The following SEMA3C variants were observed in gnomAD, a reference collection of about 807,000 sequenced individuals.
SEMA3C encodes the protein semaphorin 3C.
SEMA3C carries 47 observed loss-of-function variants against 89.4 expected under a neutral mutation model. The ratio of observed to expected loss-of-function variants is 0.53; its 90% CI spans 0.42 to 0.67. The LOEUF is 0.67. Among genes scored for constraint, SEMA3C ranks in the 30% least tolerant of loss-of-function variants. The probability of loss-of-function intolerance (pLI) is 0.00; values close to 1 mark genes in which losing one functional copy is unlikely to be tolerated. For synonymous variants in SEMA3C, 310 were observed against 320.2 expected (o/e 0.97, Z 0.34); for missense variants, 839 against 929.1 (o/e 0.90, Z 1.26).
chr7:80,789,225 G>T (rs2115581403), intron 12 of SEMA3C, 81 bp downstream of exon 12: 1 of 1,112,704 alleles, frequency 9.0e-7, no homozygotes, highest in East Asian at 2.4e-5. Context: ...CTAGTTTCAA[G>T]ATCATGGCCC....
At chr7:80,863,753 C>T (rs1034055978) in intron 2 of SEMA3C, among the ~76,000 whole-genome samples, 7 of 132,186 alleles carry the variant, frequency 5.3e-5, no homozygotes, top group Non-Finnish European at 7.9e-5. Flanking sequence ...AGTATTCCAT[C>T]ATATATATAG....
intron 8 of SEMA3C, among the ~76,000 whole-genome samples, chr7:80,803,672 G>C (rs974903525): frequency 1.3e-5 from 2 of 151,866 alleles, no homozygotes; most frequent in African/African-American, 4.8e-5. Context: ...ATTTATAAAT[G>C]GTTCCTTAAT....
intron 2 of SEMA3C, among the ~76,000 whole-genome samples, chr7:80,861,627 G>A (rs550944035): frequency 6.6e-6 from 1 of 152,240 alleles, no homozygotes; most frequent in Non-Finnish European, 1.5e-5. Context: ...TGATCTCAAA[G>A]GTTATAGAAT....
chr7:80,803,096 C>CT, intron 8 of SEMA3C, among the ~76,000 whole-genome samples: 1 of 152,202 alleles, frequency 6.6e-6, no homozygotes, highest in Non-Finnish European at 1.5e-5. Flanking sequence ...ATCATTTAAT[C>CT]TGCCTTTCCT....
chr7:80,789,166 G>C (rs527319299), intron 12 of SEMA3C, 140 bp downstream of exon 12: 1 of 622,146 alleles, frequency 1.6e-6, no homozygotes, highest in South Asian at 2.5e-5. Flanking sequence ...GGCAAAAAGA[G>C]ATTAAATATC....
chr7:80,752,784 G>A (rs1164079988), intron 15 of SEMA3C, among the ~76,000 whole-genome samples: 1 of 152,056 alleles, frequency 6.6e-6, no homozygotes, highest in Non-Finnish European at 1.5e-5. Flanking sequence ...AATCCTCTGA[G>A]CATCACACAT....
At chr7:80,814,704 G>A (rs1210395363) in intron 5 of SEMA3C, among the ~76,000 whole-genome samples, 1 of 151,976 alleles carries the variant, frequency 6.6e-6, no homozygotes. Context: ...TCTCATCTCA[G>A]TTCATGGCAA....
chr7:80,825,828 T>A (rs1409981492), intron 4 of SEMA3C, among the ~76,000 whole-genome samples: 1 of 152,172 alleles, frequency 6.6e-6, no homozygotes, highest in African/African-American at 2.4e-5. Context: ...TCATCCACAA[T>A]TATTAAAATA....
intron 12 of SEMA3C, among the ~76,000 whole-genome samples, chr7:80,769,004 A>G (rs1788368430): frequency 6.6e-6 from 1 of 152,204 alleles, no homozygotes; most frequent in Non-Finnish European, 1.5e-5. Flanking sequence ...AAGAATCACT[A>G]CCATTCTATG....
chr7:80,828,573 T>A lies in SEMA3C; in HGVS notation c.264+12A>T, dbSNP rs1789935243. On this transcript the variant is annotated intron_variant, in intron 3 of 17. Coordinates refer to ENST00000265361, the MANE Select transcript of SEMA3C (RefSeq NM_006379.5). ...AAGGTGGACACTGTCCTCGTGAAAG[T>A]GATAAACTTACACTCAAAGCTTCTT... 1 of 1,595,464 alleles carries A rather than the reference T, an allele frequency of 6.3e-7. No homozygotes were observed. The highest frequency in any genetic ancestry group is 1.3e-5 in the African/African-American group (1 of 74,560).
intron 2 of SEMA3C, among the ~76,000 whole-genome samples, chr7:80,899,450 C>T (rs1353946176): frequency 6.6e-6 from 1 of 152,132 alleles, no homozygotes; most frequent in Non-Finnish European, 1.5e-5. Flanking sequence ...ATATGATATA[C>T]ACCTTGTTTT....
intron 2 of SEMA3C, among the ~76,000 whole-genome samples, chr7:80,841,777 C>A (rs113780725): frequency 0.012 from 1,831 of 152,176 alleles, 52 homozygotes; most frequent in African/African-American, 0.041. Flanking sequence ...AACTATATAC[C>A]ATAAAACCTC....
At chr7:80,906,713 C>G (rs1450280914) in intron 2 of SEMA3C, among the ~76,000 whole-genome samples, 2 of 151,954 alleles carry the variant, frequency 1.3e-5, no homozygotes, top group Non-Finnish European at 2.9e-5. Flanking sequence ...AAGAAATATA[C>G]CAGTGTAGAT....
At chr7:80,871,168 G>C (rs1375821257) in intron 2 of SEMA3C, among the ~76,000 whole-genome samples, 2 of 152,156 alleles carry the variant, frequency 1.3e-5, no homozygotes, top group Non-Finnish European at 2.9e-5. Flanking sequence ...AATGCACGAA[G>C]GTTTCAAAAC....
chr7:80,878,786 C>A (rs535553396), intron 2 of SEMA3C, among the ~76,000 whole-genome samples: 3 of 151,974 alleles, frequency 2.0e-5, no homozygotes, highest in South Asian at 4.2e-4. Context: ...GTGATGGAAG[C>A]CTTGGCAGTG....
intron 6 of SEMA3C, 97 bp from the exon 7 acceptor site, chr7:80,805,855 G>T: frequency 1.4e-6 from 1 of 715,620 alleles, no homozygotes; most frequent in Non-Finnish European, 2.2e-6. Flanking sequence ...AGGTATTACA[G>T]TGTTATGATA....
At chr7:80,818,128 G>A (rs776391549) in intron 5 of SEMA3C, among the ~76,000 whole-genome samples, 171 bp downstream of exon 5, 2 of 151,810 alleles carry the variant, frequency 1.3e-5, no homozygotes, top group Non-Finnish European at 2.9e-5. Context: ...AAGGCAAAAG[G>A]TGATACTTCA....
chr7:80,864,678 A>C (rs1790883973), intron 2 of SEMA3C, among the ~76,000 whole-genome samples: 1 of 152,016 alleles, frequency 6.6e-6, no homozygotes, highest in Non-Finnish European at 1.5e-5. Flanking sequence ...AACTCAACTT[A>C]CTCCCATAGA....
rs759355273 is a variant in SEMA3C, at chr7:80,789,441, T to C, written c.1219A>G (p.Met407Val). 3.1e-6 allele frequency: 5 copies of C among 1,613,942 alleles called. No homozygotes were observed. In the South Asian group the frequency reaches 5.5e-5, roughly 18 times the overall value. Residue 407 changes from methionine to valine, a missense_variant, in exon 12 of 18, where the codon ATG becomes GTG. Coordinates refer to ENST00000265361, the MANE Select transcript of SEMA3C (RefSeq NM_006379.5). ...TGGATTGGGTAGATGGAATTGTACA[T>C]GAGAGGATGGTTCCGAATAAAAGTG... Reference protein sequence around the residue: ...VVTFIRNHPLMYNSIYPIHKR... With the variant: ...VVTFIRNHPLVYNSIYPIHKR...
Sources: gnomAD v4.1 joint callset for allele counts (sites outside exome capture counted in the v4.1 genomes callset) on GRCh38, gnomAD v4.1.1 for gene constraint, MANE v1.5 for transcripts, NCBI Gene and HGNC (gene_info 2026-07-23, HGNC 2026-07-21) for gene names.